Variants in ZNF804B observed in about 807,000 individuals in gnomAD.
ZNF804B encodes zinc finger 804B.
ZNF804B carries 80 observed loss-of-function variants against 101.4 expected under a neutral mutation model. That is an observed-to-expected ratio of 0.79 (90% CI 0.66 to 0.95). The LOEUF is 0.95. Among genes scored for constraint, ZNF804B ranks in the 40% least tolerant of loss-of-function variants. The pLI is 0.00. For synonymous variants in ZNF804B, 622 were observed against 558.8 expected, an observed-to-expected ratio of 1.11 and a Z score of -1.59; for missense variants, 1,673 against 1,561.9, an observed-to-expected ratio of 1.07 and a Z score of -1.20.
intron 1 of ZNF804B, among the ~76,000 whole-genome samples, chr7:89,179,732 T>G (rs567292495): frequency 6.6e-6 from 1 of 152,284 alleles, no homozygotes; most frequent in Admixed American, 6.5e-5. Flanking sequence ...TGACGACTTA[T>G]GTATTTGTTG....
At chr7:88,994,705 G>A (rs568483771) in intron 1 of ZNF804B, among the ~76,000 whole-genome samples, 4 of 151,950 alleles carry the variant, frequency 2.6e-5, no homozygotes, top group Middle Eastern at 3.4e-3. Flanking sequence ...TACTTTGTTG[G>A]TTCATCATAG....
At chr7:89,130,625 T>G (rs2116378889) in intron 1 of ZNF804B, among the ~76,000 whole-genome samples, 1 of 151,978 alleles carries the variant, frequency 6.6e-6, no homozygotes, top group African/African-American at 2.4e-5. Context: ...AGAAGACACA[T>G]CTCCAAATAC....
chr7:89,179,778 T>C (rs1474473336), intron 1 of ZNF804B, among the ~76,000 whole-genome samples: 1 of 152,160 alleles, frequency 6.6e-6, no homozygotes, highest in African/African-American at 2.4e-5. Context: ...GTACACGTGT[T>C]TCTTTAGAAG....
At chr7:89,281,640 A>G (rs1041300568) in intron 2 of ZNF804B, among the ~76,000 whole-genome samples, 5 of 152,182 alleles carry the variant, frequency 3.3e-5, no homozygotes, top group Admixed American at 1.3e-4. Context: ...GGATAACAAC[A>G]AAAAGTGCCA....
intron 1 of ZNF804B, among the ~76,000 whole-genome samples, chr7:88,915,620 G>A (rs1034268425): frequency 2.0e-5 from 3 of 151,880 alleles, no homozygotes; most frequent in Non-Finnish European, 4.4e-5. Flanking sequence ...TGTAGAAGTT[G>A]TACTCTAAGT....
intron 1 of ZNF804B, among the ~76,000 whole-genome samples, chr7:88,967,468 G>A (rs554213609): frequency 6.6e-6 from 1 of 151,648 alleles, no homozygotes; most frequent in East Asian, 2.0e-4. Context: ...TGAGATTTGG[G>A]TGGGGACACA....
At chr7:88,894,129 G>A (rs1317481006) in intron 1 of ZNF804B, among the ~76,000 whole-genome samples, 20 of 151,938 alleles carry the variant, frequency 1.3e-4, no homozygotes, top group Admixed American at 1.3e-3. Context: ...CTTTATAAGT[G>A]TTGGAAAATA....
At chr7:89,151,549 T>A (rs1790876385) in intron 1 of ZNF804B, among the ~76,000 whole-genome samples, 1 of 152,150 alleles carries the variant, frequency 6.6e-6, no homozygotes, top group Admixed American at 6.6e-5. Context: ...TGTCCATGAT[T>A]ATTGCCATTA....
At chr7:89,164,599 T>C (rs779584381) in intron 1 of ZNF804B, among the ~76,000 whole-genome samples, 2 of 152,162 alleles carry the variant, frequency 1.3e-5, no homozygotes, top group Non-Finnish European at 2.9e-5. Flanking sequence ...ATGATAATGT[T>C]ACTTACTGAT....
intron 1 of ZNF804B, among the ~76,000 whole-genome samples, chr7:88,869,327 G>T (rs185747495): frequency 4.6e-5 from 7 of 151,906 alleles, no homozygotes; most frequent in Non-Finnish European, 1.0e-4. Flanking sequence ...ACCTACCTTG[G>T]GGCCCATCTA....
At chr7:88,950,006 A>G (rs546118222) in intron 1 of ZNF804B, among the ~76,000 whole-genome samples, 1 of 151,948 alleles carries the variant, frequency 6.6e-6, no homozygotes, top group Non-Finnish European at 1.5e-5. Context: ...TTATTAAGCA[A>G]TGCATGACTT....
At chr7:88,765,305 T>A (rs929987094) in intron 1 of ZNF804B, among the ~76,000 whole-genome samples, 14 of 152,166 alleles carry the variant, frequency 9.2e-5, no homozygotes, top group African/African-American at 3.4e-4. Flanking sequence ...TGAAACATTT[T>A]GGTATCATGG....
chr7:88,783,167 A>G lies in ZNF804B; in HGVS notation c.108+23083A>G, dbSNP rs1315105435. 2.6e-5 allele frequency among the ~76,000 whole-genome samples: 4 copies of G among 152,182 alleles called. No homozygotes were observed. In the East Asian group the frequency reaches 5.8e-4, roughly 22 times the overall value. The stretch of plus-strand genomic sequence containing the variant: ...GTTTATTATTCAGCTCCCTCACCCC[A>G]TAAGTCAACCCACTAAGCACGTGGC... On this transcript the variant is annotated intron_variant, in intron 1 of 3. Transcript: ENST00000333190.
chr7:89,023,931 C>T (rs1397631689), intron 1 of ZNF804B, among the ~76,000 whole-genome samples: 1 of 152,168 alleles, frequency 6.6e-6, no homozygotes, highest in Non-Finnish European at 1.5e-5. Context: ...TGAAACCAAG[C>T]TGACATAGAA....
intron 1 of ZNF804B, among the ~76,000 whole-genome samples, chr7:89,047,391 A>G (rs1229740600): frequency 6.6e-6 from 1 of 152,168 alleles, no homozygotes; most frequent in Non-Finnish European, 1.5e-5. Flanking sequence ...TGTGTATTAA[A>G]TTACCAAAAA....
chr7:89,067,502 G>A (rs934362140), intron 1 of ZNF804B, among the ~76,000 whole-genome samples: 9 of 152,250 alleles, frequency 5.9e-5, no homozygotes, highest in Admixed American at 1.3e-4. Flanking sequence ...CCAAATGATT[G>A]CTCTTCCCTT....
intron 2 of ZNF804B, among the ~76,000 whole-genome samples, chr7:89,302,951 A>G (rs1035998093): frequency 6.6e-6 from 1 of 151,984 alleles, no homozygotes; most frequent in Non-Finnish European, 1.5e-5. Context: ...CTGATTTAAA[A>G]GTAAATTTAA....
At chr7:89,170,063 T>C (rs1037048722) in intron 1 of ZNF804B, among the ~76,000 whole-genome samples, 1 of 152,202 alleles carries the variant, frequency 6.6e-6, no homozygotes, top group East Asian at 1.9e-4. Context: ...GTTTGGACAC[T>C]TAGACCCCAG....
intron 1 of ZNF804B, among the ~76,000 whole-genome samples, chr7:88,764,681 T>C (rs1488358339): frequency 1.3e-5 from 2 of 152,176 alleles, no homozygotes; most frequent in African/African-American, 2.4e-5. Flanking sequence ...ACCCTTGTCC[T>C]TTTTTTCTAA....
Sources: gnomAD v4.1 joint callset for allele counts (sites outside exome capture counted in the v4.1 genomes callset) on GRCh38, gnomAD v4.1.1 for gene constraint, MANE v1.5 for transcripts, NCBI Gene and HGNC (gene_info 2026-07-23, HGNC 2026-07-21) for gene names.